RAB27B: variants seen among roughly 807,000 people sequenced by gnomAD.
RAB27B encodes the protein RAB27B, member RAS oncogene family.
Under a neutral mutation model 24.6 loss-of-function variants are expected in RAB27B, and 15 were observed. That is an observed-to-expected ratio of 0.61 (90% CI 0.41 to 0.94). The LOEUF is 0.94. Among genes scored for constraint, RAB27B ranks in the 40% least tolerant of loss-of-function variants. The pLI is 0.00. For missense variants in RAB27B, 261 were observed against 266.8 expected, an observed-to-expected ratio of 0.98 and a Z score of 0.15; for synonymous variants, 105 against 92.5, an observed-to-expected ratio of 1.14 and a Z score of -0.78.
chr18:54,888,277 T>A, intron 5 of RAB27B, 159 bp downstream of exon 5: 1 of 721,250 alleles, frequency 1.4e-6, no homozygotes, highest in South Asian at 3.0e-5. Context: ...ATTAATGAAT[T>A]ACTTAATAAT....
At chr18:54,855,644 A>C (rs1911755961) in intron 1 of RAB27B, among the ~76,000 whole-genome samples, 1 of 152,150 alleles carries the variant, frequency 6.6e-6, no homozygotes, top group African/African-American at 2.4e-5. Context: ...GGTTCTGAAA[A>C]CCACAGAAGC....
At chr18:54,788,205 A>G (rs1472085064) in intron 2 of RAB27B, among the ~76,000 whole-genome samples, 1 of 152,232 alleles carries the variant, frequency 6.6e-6, no homozygotes, top group Non-Finnish European at 1.5e-5. Context: ...AGAGACTTCT[A>G]AACTCTCCAA....
intron 2 of RAB27B, among the ~76,000 whole-genome samples, chr18:54,799,777 C>A (rs964395930): frequency 5.3e-5 from 8 of 151,690 alleles, no homozygotes; most frequent in African/African-American, 1.9e-4. Flanking sequence ...TTACAGGCGT[C>A]CACCACCACA....
chr18:54,792,788 A>G (rs1475944736), intron 2 of RAB27B, among the ~76,000 whole-genome samples: 1 of 152,200 alleles, frequency 6.6e-6, no homozygotes, highest in Non-Finnish European at 1.5e-5. Flanking sequence ...ACAAATTTCT[A>G]ACAAAAAGGT....
intron 2 of RAB27B, among the ~76,000 whole-genome samples, chr18:54,745,821 T>C (rs139070709): frequency 0.043 from 6,344 of 147,280 alleles, 196 homozygotes; most frequent in Admixed American, 0.078. Flanking sequence ...ATATTAAATA[T>C]TTATATTTAT....
chr18:54,841,828 C>T (rs1172185635), intron 1 of RAB27B, among the ~76,000 whole-genome samples: 1 of 152,150 alleles, frequency 6.6e-6, no homozygotes, highest in Admixed American at 6.5e-5. Context: ...GAGTCATTGC[C>T]TTCAGAAATA....
At chr18:54,801,205 G>T (rs934995145) in intron 2 of RAB27B, among the ~76,000 whole-genome samples, 2 of 151,492 alleles carry the variant, frequency 1.3e-5, no homozygotes, top group Non-Finnish European at 1.5e-5. Flanking sequence ...TAGAGATGGG[G>T]TTTTTTACCA....
intron 1 of RAB27B, among the ~76,000 whole-genome samples, chr18:54,850,033 A>G (rs1207874479): frequency 6.6e-6 from 1 of 151,680 alleles, no homozygotes; most frequent in Non-Finnish European, 1.5e-5. Flanking sequence ...CACATAAACC[A>G]CTTAATACAA....
chr18:54,893,324 T>C lies in RAB27B; in HGVS notation c.*3911T>C, dbSNP rs560523073. 6.6e-6 allele frequency: 1 copy of C among 152,154 alleles called. No homozygotes were observed. The highest frequency in any genetic ancestry group is 1.5e-5 in the Non-Finnish European group (1 of 67,938). The allele number at this position is 152,154 out of a possible 1,614,324, so 9.4% of individuals were successfully genotyped here. On this transcript the variant is annotated 3_prime_UTR_variant, in exon 6 of 6. Transcript: ENST00000262094. Reference sequence around the variant, plus strand: ...CAAGTCTCTGGTTTCCTAAGATACATAATAACTGTTTATAAAGAAGGTCTA... The same window carrying C: ...CAAGTCTCTGGTTTCCTAAGATACACAATAACTGTTTATAAAGAAGGTCTA...
intron 1 of RAB27B, among the ~76,000 whole-genome samples, chr18:54,830,799 T>C (rs537324310): frequency 6.6e-6 from 1 of 152,308 alleles, no homozygotes; most frequent in East Asian, 1.9e-4. Context: ...TAACCTCCCA[T>C]TGGCACTCCT....
intron 1 of RAB27B, among the ~76,000 whole-genome samples, chr18:54,869,493 A>G (rs2018709): frequency 0.35 from 52,496 of 152,100 alleles, 10,434 homozygotes; most frequent in Admixed American, 0.44. Flanking sequence ...AAGGTTCACT[A>G]GAAATTGACC....
intron 2 of RAB27B, among the ~76,000 whole-genome samples, chr18:54,781,408 C>T (rs1374338250): frequency 6.6e-6 from 1 of 151,928 alleles, no homozygotes; most frequent in Non-Finnish European, 1.5e-5. Context: ...TGAATTTGAC[C>T]ACACTTTATT....
rs530063655 is a variant in RAB27B at position 54,871,746 on chromosome 18, A to G, written c.-19-5821A>G. Among the ~76,000 whole-genome samples, 19 of 150,282 alleles carry G rather than the reference A, an allele frequency of 1.3e-4. No individual in the cohort carries two copies. The South Asian group carries it at 4.1e-3, about 32-fold the overall frequency. Reference sequence around the variant, plus strand: ...GCACCTTTAGTCCCAGCTACTTGGGAGACTGAGGCAGGAGAATGGCATGAA... The same window carrying G: ...GCACCTTTAGTCCCAGCTACTTGGGGGACTGAGGCAGGAGAATGGCATGAA... On this transcript the variant is annotated intron_variant, in intron 1 of 5. Transcript: ENST00000262094.
chr18:54,782,194 T>C (rs530065428), intron 2 of RAB27B, among the ~76,000 whole-genome samples: 124 of 152,332 alleles, frequency 8.1e-4, no homozygotes, highest in African/African-American at 2.8e-3. Flanking sequence ...CAATGTGCAG[T>C]TGTTATTCTG....
intron 2 of RAB27B, among the ~76,000 whole-genome samples, chr18:54,789,178 T>C (rs1051044372): frequency 2.0e-5 from 3 of 152,226 alleles, no homozygotes; most frequent in Admixed American, 2.0e-4. Flanking sequence ...TCAGTTCTTA[T>C]TGATGATCAT....
chr18:54,850,375 T>TATATATATATATAAATAAA, intron 1 of RAB27B, among the ~76,000 whole-genome samples: 1 of 141,506 alleles, frequency 7.1e-6, no homozygotes, highest in Admixed American at 7.0e-5. Flanking sequence ...CATACATATG[T>TATATATATATATAAATAAA]TTAGTTTTTT....
At chr18:54,830,440 A>G (rs1475409954) in intron 1 of RAB27B, among the ~76,000 whole-genome samples, 1 of 152,296 alleles carries the variant, frequency 6.6e-6, no homozygotes, top group South Asian at 2.1e-4. Flanking sequence ...CTCACAATCC[A>G]GTTTCTTCAG....
chr18:54,788,522 C>A (rs1233042159), intron 2 of RAB27B, among the ~76,000 whole-genome samples: 5 of 152,140 alleles, frequency 3.3e-5, no homozygotes, highest in Non-Finnish European at 7.4e-5. Context: ...ATGTTGGTCT[C>A]AAACTCCTGA....
intron 2 of RAB27B, among the ~76,000 whole-genome samples, chr18:54,790,527 GA>G (rs1568066742): frequency 6.6e-6 from 1 of 151,988 alleles, no homozygotes; most frequent in African/African-American, 2.4e-5. Flanking sequence ...AAAGTTTAGA[GA>G]AAAAAATGAA....
Sources: allele counts gnomAD v4.1 joint callset (sites outside exome capture counted in the v4.1 genomes callset), GRCh38; gene constraint gnomAD v4.1.1; transcripts MANE v1.5; gene names NCBI Gene and HGNC (gene_info 2026-07-23, HGNC 2026-07-21).